Variants in SHLD2 observed in about 807,000 individuals in gnomAD.
SHLD2 encodes the protein RINN1-REV7-interacting novel NHEJ regulator 2.
SHLD2 carries 30 observed loss-of-function variants against 73.2 expected under a neutral mutation model. The observed-to-expected ratio is 0.41, with a 90% CI of 0.31 to 0.56. SHLD2 has a LOEUF of 0.56. Ranked by LOEUF, SHLD2 falls within the 20% of genes least tolerant of loss-of-function variation. SHLD2 has a pLI of 0.28. For synonymous variants in SHLD2, 285 were observed against 370.1 expected (o/e 0.77, Z 2.64); for missense variants, 745 against 1,055.9 (o/e 0.71, Z 4.08).
intron 3 of SHLD2, among the ~76,000 whole-genome samples, chr10:87,155,431 G>C (rs1310811705): frequency 1.3e-5 from 2 of 151,920 alleles, no homozygotes; most frequent in African/African-American, 2.4e-5. Flanking sequence ...TCTAGTTGTA[G>C]AGCTGCCCAC....
At chr10:87,163,960 T>TC (rs968419797) in intron 4 of SHLD2, among the ~76,000 whole-genome samples, 4 of 142,276 alleles carry the variant, frequency 2.8e-5, no homozygotes, top group Non-Finnish European at 3.1e-5. Context: ...TCTTTTCTTT[T>TC]CTTTTTTTTT....
chr10:87,167,701 GTGGCC>G lies in SHLD2; in HGVS notation c.1634-2774_1634-2770del, dbSNP rs751830585. ...ACTCTGTTACCCAGGCTGGAGTGCA[GTGGCC>G]TGATCATGGCTCACTGCAGCCTCAG... is the stretch of plus-strand genomic sequence containing the variant. On this transcript the variant is annotated intron_variant, in intron 4 of 9. Transcript: ENST00000298786. 2.6e-5 allele frequency among the ~76,000 whole-genome samples: 4 copies of G among 152,288 alleles called. No homozygotes were observed. The East Asian group carries it at 7.7e-4, about 29-fold the overall frequency.
At chr10:87,133,681 C>T (rs1490163494) in intron 2 of SHLD2, among the ~76,000 whole-genome samples, 2 of 152,146 alleles carry the variant, frequency 1.3e-5, no homozygotes, top group African/African-American at 4.8e-5. Context: ...AACGATATAG[C>T]TGGAAAAAGT....
chr10:87,171,753 C>T (rs1235340361), intron 6 of SHLD2, among the ~76,000 whole-genome samples: 3 of 152,176 alleles, frequency 2.0e-5, no homozygotes, highest in African/African-American at 7.2e-5. Context: ...TAGGAGCTAT[C>T]ACATTGTCTC....
At chr10:87,150,462 A>G (rs1845932678) in intron 2 of SHLD2, among the ~76,000 whole-genome samples, 1 of 151,972 alleles carries the variant, frequency 6.6e-6, no homozygotes, top group Admixed American at 6.6e-5. Context: ...AAGTTTTTAC[A>G]ACATAAGAAA....
intron 2 of SHLD2, among the ~76,000 whole-genome samples, chr10:87,139,751 G>C (rs1320051125): frequency 6.6e-6 from 1 of 152,236 alleles, no homozygotes; most frequent in Non-Finnish European, 1.5e-5. Flanking sequence ...CTTGAACCTG[G>C]GAGGCAGAGG....
chr10:87,109,600 C>A (rs1303611503), intron 2 of SHLD2, among the ~76,000 whole-genome samples: 1 of 152,102 alleles, frequency 6.6e-6, no homozygotes, highest in Non-Finnish European at 1.5e-5. Flanking sequence ...CACCTGGCCC[C>A]TCAAATAAGA....
intron 2 of SHLD2, among the ~76,000 whole-genome samples, chr10:87,118,005 C>G (rs1251493707): frequency 6.6e-6 from 1 of 152,144 alleles, no homozygotes; most frequent in Non-Finnish European, 1.5e-5. Context: ...TTAATAAAGG[C>G]TCTGGGAAAT....
At chr10:87,134,359 T>A (rs1385095177) in intron 2 of SHLD2, among the ~76,000 whole-genome samples, 1 of 152,096 alleles carries the variant, frequency 6.6e-6, no homozygotes, top group Non-Finnish European at 1.5e-5. Context: ...TGCTCTAGGA[T>A]GGAACAACCA....
At position 87,110,303 on chromosome 10, in the gene SHLD2, A is replaced by G. The variant is rs191839490; in HGVS notation, c.-6+13314A>G. Reference sequence around the variant, plus strand: ...AGACCCTGTCTCTCAAAATAAGTAAATAAATAAATAAAAAGTTCTCTTTTG... The same window carrying G: ...AGACCCTGTCTCTCAAAATAAGTAAGTAAATAAATAAAAAGTTCTCTTTTG... On this transcript the variant is annotated intron_variant, in intron 2 of 9. Transcript: ENST00000298786. 8.2e-4 allele frequency among the ~76,000 whole-genome samples: 124 copies of G among 151,296 alleles called. 3 individuals carry two copies. Among genetic ancestry groups the G allele is most frequent in the Admixed American group, 8.2e-3 (124 of 15,204 alleles).
chr10:87,171,714 CT>C (rs1315870275), intron 6 of SHLD2, among the ~76,000 whole-genome samples: 3 of 152,188 alleles, frequency 2.0e-5, no homozygotes, highest in Admixed American at 6.5e-5. Context: ...TCTCTCCAAA[CT>C]TCTGCCTTCC....
chr10:87,130,230 A>G (rs991002944), intron 2 of SHLD2, among the ~76,000 whole-genome samples: 2 of 151,532 alleles, frequency 1.3e-5, no homozygotes, highest in Non-Finnish European at 2.9e-5. Flanking sequence ...TATCTGTGTC[A>G]TTTGCTGGGG....
At chr10:87,094,780 G>A (rs1377768302), upstream of SHLD2, 7 of 1,530,774 alleles carry the variant, frequency 4.6e-6, no homozygotes, top group East Asian at 2.7e-5. This position sits in a 1 kb window ranked among gnomAD's most constrained non-coding sequence, Gnocchi z 6.6. Flanking sequence ...GGCCACAAGC[G>A]GAGGGGAGGT....
chr10:87,145,100 T>C (rs1183889500), intron 2 of SHLD2, among the ~76,000 whole-genome samples: 5 of 146,116 alleles, frequency 3.4e-5, no homozygotes, highest in African/African-American at 1.0e-4. Context: ...ACCACCACGC[T>C]CGGCTAATTT....
chr10:87,179,064 T>A (rs1183917535), intron 7 of SHLD2, among the ~76,000 whole-genome samples: 2 of 152,128 alleles, frequency 1.3e-5, no homozygotes, highest in African/African-American at 4.8e-5. Context: ...GCCTTTAAAT[T>A]GACTATGGAG....
chr10:87,106,421 G>GT (rs917395148), intron 2 of SHLD2, among the ~76,000 whole-genome samples: 1 of 66,036 alleles, frequency 1.5e-5, no homozygotes, highest in Non-Finnish European at 3.2e-5. Flanking sequence ...ATTTACAAAA[G>GT]GGGGGGAACA....
chr10:87,151,987 G>C lies in SHLD2; in HGVS notation c.633G>C (p.Leu211Phe), dbSNP rs957738172. 2 of 1,611,880 alleles carry C rather than the reference G, an allele frequency of 1.2e-6. No homozygotes were observed. Among genetic ancestry groups the C allele is most frequent in the Non-Finnish European group, 1.7e-6 (2 of 1,179,802 alleles). Residue 211 changes from leucine (L) to phenylalanine (F), a missense_variant, in exon 3 of 10, where the codon TTG becomes TTC. Physicochemically the swap from Leu to Phe is conservative, Grantham distance 22. Transcript: ENST00000298786. ...ATCATGAAATACAAAACCAGTGTTT[G>C]GGATTATTTTCCTCGAACGCAGTAG... ...TEYHEIQNQC[L>F]GLFSSNAVDK...
At chr10:87,180,406 G>A (rs987651600) in intron 8 of SHLD2, 103 bp downstream of exon 8, 1 of 1,443,644 alleles carries the variant, frequency 6.9e-7, no homozygotes, top group Non-Finnish European at 9.3e-7. Context: ...ACTAGAGCTA[G>A]TCGAAGAGAA....
At chr10:87,104,878 C>T (rs1391990498) in intron 2 of SHLD2, among the ~76,000 whole-genome samples, 1 of 152,076 alleles carries the variant, frequency 6.6e-6, no homozygotes, top group African/African-American at 2.4e-5. Context: ...CCAGGCTGCT[C>T]TTGAACTCCT....
Sources: allele counts gnomAD v4.1 joint callset (sites outside exome capture counted in the v4.1 genomes callset), GRCh38; gene constraint gnomAD v4.1.1; non-coding constraint Gnocchi (gnomAD v3.1); transcripts MANE v1.5; gene names NCBI Gene and HGNC (gene_info 2026-07-23, HGNC 2026-07-21).